Variants in ROBO2 observed in about 807,000 individuals in gnomAD.
ROBO2 encodes the protein roundabout guidance receptor 2.
In ROBO2, 53 loss-of-function variants were observed where a neutral mutation model predicts 160.8. That is an observed-to-expected ratio of 0.33 (90% confidence interval 0.26 to 0.41). ROBO2 has a LOEUF of 0.41. Among genes scored for constraint, ROBO2 ranks in the 10% least tolerant of loss-of-function variants. ROBO2 has a pLI of 1.00. For synonymous variants in ROBO2, 664 were observed against 611.7 expected (o/e 1.09, Z -1.26); for missense variants, 1,577 against 1,722.4 (o/e 0.92, Z 1.49).
At chr3:76,157,528 CAGAT>C (rs2072455928) in intron 2 of ROBO2, among the ~76,000 whole-genome samples, 1 of 152,034 alleles carries the variant, frequency 6.6e-6, no homozygotes, top group Non-Finnish European at 1.5e-5. Flanking sequence ...TAATTATAGA[CAGAT>C]GTATATTTCT....
chr3:77,236,678 C>G (rs1670367975), intron 2 of ROBO2, among the ~76,000 whole-genome samples: 1 of 152,160 alleles, frequency 6.6e-6, no homozygotes, highest in Non-Finnish European at 1.5e-5. Flanking sequence ...CCTAAAAATT[C>G]TGTTCTCCAT....
intron 2 of ROBO2, among the ~76,000 whole-genome samples, chr3:76,366,610 A>G (rs969621265): frequency 6.6e-6 from 1 of 152,016 alleles, no homozygotes; most frequent in Admixed American, 6.6e-5. Flanking sequence ...CTTACATAAG[A>G]TTAAATTTTA....
chr3:77,079,753 T>A (rs1171945711), intron 1 of ROBO2, among the ~76,000 whole-genome samples: 1 of 152,202 alleles, frequency 6.6e-6, no homozygotes, highest in African/African-American at 2.4e-5. Context: ...TCTGTGACCT[T>A]AATTATGGAT....
intron 2 of ROBO2, among the ~76,000 whole-genome samples, chr3:77,177,561 A>C (rs762193977): frequency 3.3e-5 from 5 of 151,588 alleles, no homozygotes; most frequent in African/African-American, 7.3e-5. Context: ...TTGTTATACT[A>C]TATTTTTTTA....
At chr3:76,037,326 C>T (rs181098009) in intron 2 of ROBO2, among the ~76,000 whole-genome samples, 24 of 149,178 alleles carry the variant, frequency 1.6e-4, no homozygotes, top group Middle Eastern at 3.4e-3. Flanking sequence ...GGCGCGATCT[C>T]GGCTCACTGC....
At chr3:76,924,328 G>GATT (rs1166667964) in intron 2 of ROBO2, among the ~76,000 whole-genome samples, 3 of 152,132 alleles carry the variant, frequency 2.0e-5, no homozygotes, top group African/African-American at 4.8e-5. Flanking sequence ...TCATGAATGA[G>GATT]ATTATTATTT....
At chr3:77,411,179 TC>T (rs1251650591) in intron 2 of ROBO2, among the ~76,000 whole-genome samples, 1 of 152,162 alleles carries the variant, frequency 6.6e-6, no homozygotes, top group Non-Finnish European at 1.5e-5. Flanking sequence ...TCCTAACTCT[TC>T]TTGCCCATTC....
intron 2 of ROBO2, among the ~76,000 whole-genome samples, chr3:76,956,320 G>T (rs1470362156): frequency 2.0e-5 from 3 of 152,180 alleles, no homozygotes; most frequent in Non-Finnish European, 4.4e-5. Flanking sequence ...CACTTTGGGA[G>T]GCCGAGGCGG....
At chr3:77,460,308 A>G (rs2082114811) in intron 2 of ROBO2, among the ~76,000 whole-genome samples, 1 of 152,174 alleles carries the variant, frequency 6.6e-6, no homozygotes, top group African/African-American at 2.4e-5. Flanking sequence ...GATTGCGGAA[A>G]TAAAGACTTG....
intron 2 of ROBO2, among the ~76,000 whole-genome samples, chr3:76,499,219 C>T (rs565938129): frequency 7.9e-5 from 12 of 152,188 alleles, no homozygotes; most frequent in African/African-American, 1.2e-4. Flanking sequence ...TCAATTTCTC[C>T]GCAACATAAG....
intron 2 of ROBO2, among the ~76,000 whole-genome samples, chr3:76,308,243 G>C (rs1234929795): frequency 6.6e-6 from 1 of 151,866 alleles, no homozygotes; most frequent in African/African-American, 2.4e-5. Context: ...TGGGCGTGGT[G>C]GTGGGCGCCT....
chr3:77,010,288 A>G (rs937132746), intron 2 of ROBO2, among the ~76,000 whole-genome samples: 1 of 152,000 alleles, frequency 6.6e-6, no homozygotes, highest in Non-Finnish European at 1.5e-5. Context: ...ACCAGTCCTC[A>G]ACACCCTCAT....
At chr3:76,346,453 G>A (rs1576575006) in intron 2 of ROBO2, among the ~76,000 whole-genome samples, 1 of 152,030 alleles carries the variant, frequency 6.6e-6, no homozygotes, top group South Asian at 2.1e-4. Context: ...TTTTCAGGGT[G>A]GGAGTTTTTG....
At chr3:76,834,049 T>TTTCC (rs2067347221) in intron 2 of ROBO2, among the ~76,000 whole-genome samples, 1 of 101,450 alleles carries the variant, frequency 9.9e-6, no homozygotes, top group African/African-American at 3.5e-5. Context: ...CCTTTCTTTC[T>TTTCC]CTCCTTTCTT....
intron 2 of ROBO2, among the ~76,000 whole-genome samples, chr3:76,339,223 G>C (rs1176922749): frequency 2.6e-5 from 4 of 152,170 alleles, no homozygotes; most frequent in African/African-American, 4.8e-5. Flanking sequence ...TGATAAAAAA[G>C]TGAAGAGTAA....
At chr3:76,269,997 G>C (rs72630389) in intron 2 of ROBO2, among the ~76,000 whole-genome samples, 27,913 of 151,884 alleles carry the variant, frequency 0.18, 4,100 homozygotes, top group East Asian at 0.43. Flanking sequence ...ATTGTTTATA[G>C]TACAATTGGA....
At chr3:76,475,397 T>C (rs1340140368) in intron 2 of ROBO2, among the ~76,000 whole-genome samples, 1 of 152,122 alleles carries the variant, frequency 6.6e-6, no homozygotes, top group Non-Finnish European at 1.5e-5. Context: ...CCAGGTGATG[T>C]GCAGCCATGG....
chr3:76,979,964 A>T lies in ROBO2; in HGVS notation c.110-118050A>T, dbSNP rs571806011. ...TAGAGACTTGGTTAAAAAAAAAAAAAATGTCTTTGCTGAATTGTCTGCTGA... is the reference window on the plus strand; with the variant it reads ...TAGAGACTTGGTTAAAAAAAAAAAATATGTCTTTGCTGAATTGTCTGCTGA... On this transcript the variant is annotated intron_variant, in intron 2 of 26. Coordinates refer to the ROBO2 transcript ENST00000487694. Among the ~76,000 whole-genome samples, 16 of 152,118 alleles carry T rather than the reference A, an allele frequency of 1.1e-4. No individual in the cohort carries two copies. In the South Asian group the frequency reaches 3.3e-3, roughly 32 times the overall value.
chr3:76,472,001 A>C (rs2078679560), intron 2 of ROBO2, among the ~76,000 whole-genome samples: 1 of 151,870 alleles, frequency 6.6e-6, no homozygotes, highest in South Asian at 2.1e-4. Context: ...ACTACAATTC[A>C]AGATGAGATT....
Sources: gnomAD v4.1 joint callset for allele counts (sites outside exome capture counted in the v4.1 genomes callset) on GRCh38, gnomAD v4.1.1 for gene constraint, MANE v1.5 for transcripts, NCBI Gene and HGNC (gene_info 2026-07-23, HGNC 2026-07-21) for gene names.